Variants in MAML3 observed in about 807,000 individuals in gnomAD.
The protein encoded by MAML3 is mastermind like transcriptional coactivator 3, also known as mastermind-like protein 3.
Under a neutral mutation model 101.9 loss-of-function variants are expected in MAML3, and 27 were observed. That is an observed-to-expected ratio of 0.27 (90% confidence interval 0.20 to 0.37). The LOEUF (loss-of-function observed/expected upper bound fraction) is 0.37. MAML3 is among the 10% of genes least tolerant of loss of function. The pLI is 1.00. For synonymous variants in MAML3, 501 were observed against 555.9 expected (o/e 0.90, Z 1.39); for missense variants, 1,316 against 1,444.9 (o/e 0.91, Z 1.45).
At chr4:140,001,469 CAA>C (rs907223653) in intron 1 of MAML3, among the ~76,000 whole-genome samples, 19 of 152,260 alleles carry the variant, frequency 1.2e-4, no homozygotes, top group African/African-American at 4.1e-4. Context: ...GAGAAAAAGT[CAA>C]AGTTGTTGGG....
Position 139,716,767 on chromosome 4 carries a change from CTT to C in MAML3, c.*2554_*2555del, listed in dbSNP as rs1491564870. The C allele has an allele frequency of 6.6e-6, 1 of 152,428 alleles. No homozygotes were observed. The highest frequency in any genetic ancestry group is 1.5e-5 in the Non-Finnish European group (1 of 68,040). 9.4% of individuals were successfully genotyped at this position (152,428 alleles called of 1,614,324 possible). A position where few individuals can be genotyped will look rare whatever the true frequency, so the allele number is the denominator to read the frequency against. On this transcript the variant is annotated 3_prime_UTR_variant, in exon 5 of 5. Coordinates refer to ENST00000509479, the MANE Select transcript of MAML3 (RefSeq NM_018717.5). ...TATACTTTGGATTGATTCAGATAAT[CTT>C]TTATTTTTGTTTTTGTTTTCTTTAA...
intron 1 of MAML3, among the ~76,000 whole-genome samples, chr4:140,082,199 T>A (rs1163197272): frequency 6.6e-6 from 1 of 152,086 alleles, no homozygotes; most frequent in East Asian, 1.9e-4. Flanking sequence ...AGTCAAAGGG[T>A]TCAAGGGAAG....
At chr4:139,973,842 T>C (rs9994993) in intron 1 of MAML3, among the ~76,000 whole-genome samples, 4,660 of 152,244 alleles carry the variant, frequency 0.031, 239 homozygotes, top group African/African-American at 0.1. Flanking sequence ...CAAAAATAGC[T>C]GTGTCATGCA....
chr4:139,837,710 A>T (rs1382529666), intron 2 of MAML3, among the ~76,000 whole-genome samples: 1 of 152,130 alleles, frequency 6.6e-6, no homozygotes, highest in Non-Finnish European at 1.5e-5. Flanking sequence ...ACCTGAGGTC[A>T]GGAGTTCAAG....
At chr4:140,095,152 G>A (rs1265647395) in intron 1 of MAML3, among the ~76,000 whole-genome samples, 2 of 152,220 alleles carry the variant, frequency 1.3e-5, no homozygotes, top group African/African-American at 2.4e-5. Flanking sequence ...CCCTTGGGGT[G>A]CCACACATCT....
At chr4:140,073,487 G>T (rs1466145132) in intron 1 of MAML3, among the ~76,000 whole-genome samples, 1 of 151,978 alleles carries the variant, frequency 6.6e-6, no homozygotes, top group Admixed American at 6.6e-5. Flanking sequence ...GAGAGACTCT[G>T]GTACTATAGA....
At chr4:139,723,367 A>G (rs1192016057) in intron 4 of MAML3, among the ~76,000 whole-genome samples, 2 of 152,068 alleles carry the variant, frequency 1.3e-5, no homozygotes, top group Non-Finnish European at 2.9e-5. Context: ...CTGGAGTGCA[A>G]TGGCACGATC....
intron 2 of MAML3, among the ~76,000 whole-genome samples, chr4:139,823,506 G>T (rs1382553754): frequency 6.6e-6 from 1 of 152,128 alleles, no homozygotes; most frequent in Non-Finnish European, 1.5e-5. Flanking sequence ...CTGTGTGTCT[G>T]CATGTGCGTG....
At chr4:140,128,993 G>C (rs1412377409) in intron 1 of MAML3, among the ~76,000 whole-genome samples, 1 of 152,144 alleles carries the variant, frequency 6.6e-6, no homozygotes, top group Admixed American at 6.5e-5. Flanking sequence ...GAGGTCATCA[G>C]AGTCGTAGTC....
chr4:140,117,032 C>T (rs1292970480), intron 1 of MAML3, among the ~76,000 whole-genome samples: 1 of 152,210 alleles, frequency 6.6e-6, no homozygotes, highest in Non-Finnish European at 1.5e-5. Flanking sequence ...TGTCTTTCCT[C>T]TTCCACAGCA....
In MAML3 at chr4:140,031,998, A is replaced by T. The variant is rs60288623; in HGVS notation, c.468+120862T>A. ...TCTGTCTGCCTTGGCTGACTGGCCA[A>T]CGGTCTTAATAAATAGCAACCACTA... On this transcript the variant is annotated intron_variant, in intron 1 of 4. Transcript: ENST00000509479. Among the ~76,000 whole-genome samples, 1,164 of 152,326 alleles carry T rather than the reference A, an allele frequency of 7.6e-3. 9 individuals are homozygous for T. The highest frequency in any genetic ancestry group is 0.026 in the African/African-American group (1,093 of 41,572).
At chr4:140,088,372 C>T (rs1283248530) in intron 1 of MAML3, among the ~76,000 whole-genome samples, 1 of 152,196 alleles carries the variant, frequency 6.6e-6, no homozygotes, top group Non-Finnish European at 1.5e-5. Flanking sequence ...TCCATCATGA[C>T]AGGGCTGTCC....
intron 1 of MAML3, among the ~76,000 whole-genome samples, chr4:140,018,118 T>A (rs1726673349): frequency 6.6e-6 from 1 of 152,212 alleles, no homozygotes; most frequent in Non-Finnish European, 1.5e-5. Flanking sequence ...CTGGTGTAGC[T>A]ATCTCCAATT....
chr4:139,947,782 T>C (rs1733757002), intron 1 of MAML3, among the ~76,000 whole-genome samples: 1 of 152,120 alleles, frequency 6.6e-6, no homozygotes, highest in Non-Finnish European at 1.5e-5. Flanking sequence ...CTAGTATTAT[T>C]CTCAATTAGG....
rs1731630033 is a variant in MAML3, at chr4:139,854,965, A to G, written c.2079+34392T>C. On this transcript the variant is annotated intron_variant, in intron 2 of 4. Coordinates refer to ENST00000509479, the MANE Select transcript of MAML3 (RefSeq NM_018717.5). ...CCGCCACAGCCTCCTTCTATTTCCT[A>G]AATCAGCCATGTGCTCTCACCCAGG... Among the ~76,000 whole-genome samples, 2 of 152,126 alleles carry G rather than the reference A, an allele frequency of 1.3e-5. 1 individual carries two copies. Among genetic ancestry groups the G allele is most frequent in the South Asian group, 4.1e-4 (2 of 4,828 alleles).
intron 2 of MAML3, among the ~76,000 whole-genome samples, chr4:139,801,193 C>T (rs1359775799): frequency 1.3e-5 from 2 of 152,228 alleles, no homozygotes; most frequent in Non-Finnish European, 2.9e-5. Context: ...TGAGAGGACA[C>T]TGAGTTGCCT....
intron 1 of MAML3, among the ~76,000 whole-genome samples, chr4:140,104,203 A>G (rs1009474883): frequency 2.7e-5 from 4 of 150,116 alleles, no homozygotes; most frequent in South Asian, 4.2e-4. Context: ...TGGGCAACAA[A>G]TAGAAACCCT....
At position 139,901,670 on chromosome 4, in the gene MAML3, G is replaced by A. The variant is rs543405632; in HGVS notation, c.469-10703C>T. 2.0e-5 allele frequency among the ~76,000 whole-genome samples: 3 copies of A among 152,254 alleles called. No individual in the cohort carries two copies. The South Asian group carries it at 6.2e-4, about 32-fold the overall frequency. On this transcript the variant is annotated intron_variant, in intron 1 of 4. Transcript: ENST00000509479. The stretch of plus-strand genomic sequence containing the variant: ...CAAATGAAAAGATCAGATCTTATCT[G>A]CATCATTCACAGCTGGAGACTTACA...
Position 139,752,716 on chromosome 4 carries a change from C to G in MAML3, c.2080-22049G>C, listed in dbSNP as rs1435160032. On this transcript the variant is annotated intron_variant, in intron 2 of 4. Transcript: ENST00000509479. ...GAGCATGTGTACAGATAAGAAGAAACATGGCCAATCGAAGATCGCAGCACT... is the reference window on the plus strand; with the variant it reads ...GAGCATGTGTACAGATAAGAAGAAAGATGGCCAATCGAAGATCGCAGCACT... 2.0e-5 allele frequency among the ~76,000 whole-genome samples: 3 copies of G among 152,146 alleles called. No individual in the cohort carries two copies. In the East Asian group the frequency reaches 5.8e-4, roughly 29 times the overall value.
Sources: gnomAD v4.1 joint callset for allele counts (sites outside exome capture counted in the v4.1 genomes callset) on GRCh38, gnomAD v4.1.1 for gene constraint, MANE v1.5 for transcripts, NCBI Gene and HGNC (gene_info 2026-07-23, HGNC 2026-07-21) for gene names.